Variants in CDH4 observed in about 807,000 individuals in gnomAD.
CDH4 encodes the protein cadherin 4, also known as cadherin-4.
A neutral mutation model predicts 86.0 loss-of-function variants in CDH4; 33 were observed. The observed-to-expected ratio is 0.38, with a 90% CI of 0.29 to 0.51. The LOEUF is 0.51. Among genes scored for constraint, CDH4 ranks in the 20% least tolerant of loss-of-function variants. The pLI is 0.86. For synonymous variants in CDH4, 555 were observed against 549.4 expected (o/e 1.01, Z -0.14); for missense variants, 1,114 against 1,307.4 (o/e 0.85, Z 2.28).
intron 2 of CDH4, among the ~76,000 whole-genome samples, chr20:61,502,724 A>G (rs2085713282): frequency 6.6e-6 from 1 of 152,220 alleles, no homozygotes. Flanking sequence ...AACATCACGA[A>G]GGAGAAACTG....
intron 2 of CDH4, among the ~76,000 whole-genome samples, chr20:61,259,782 C>T (rs1255411796): frequency 1.3e-5 from 2 of 152,222 alleles, no homozygotes; most frequent in African/African-American, 2.4e-5. Flanking sequence ...AATGTGGCTT[C>T]TTTCTGGTCA....
In CDH4 at chr20:61,684,919, T is replaced by G. The variant is rs1469720230; in HGVS notation, c.170-58644T>G. ...TAAGATATAAAAACTTACCGTGAAA[T>G]TCCCCTGTTTAAAGTGTACAATTCA... On this transcript the variant is annotated intron_variant, in intron 2 of 15. Transcript: ENST00000614565. This position sits in a 1 kb window ranked among gnomAD's most constrained non-coding sequence, Gnocchi z 4.5. Among the ~76,000 whole-genome samples, 1 of 151,302 alleles carries G rather than the reference T, an allele frequency of 6.6e-6. No individual in the cohort carries two copies. Among genetic ancestry groups the G allele is most frequent in the African/African-American group, 2.5e-5 (1 of 40,772 alleles).
At chr20:61,720,348 T>C (rs2088022370) in intron 2 of CDH4, among the ~76,000 whole-genome samples, 1 of 151,960 alleles carries the variant, frequency 6.6e-6, no homozygotes, top group African/African-American at 2.4e-5. Context: ...GGGCAGCAAC[T>C]TGAGAGTGAT....
chr20:61,792,041 G>A lies in CDH4; in HGVS notation c.576+18859G>A, dbSNP rs150691697. Among the ~76,000 whole-genome samples, 819 of 152,304 alleles carry A rather than the reference G, an allele frequency of 5.4e-3. 26 individuals carry two copies. The highest frequency in any genetic ancestry group is 0.044 in the Admixed American group (675 of 15,306). On this transcript the variant is annotated intron_variant, in intron 4 of 15. Transcript: ENST00000614565. ...TCCCCTGGATGCCTTTGGCTGCCTG[G>A]TGGGGCTGGAAGGTTAAGGCGAGAG...
At chr20:61,804,193 G>T (rs566260453) in intron 4 of CDH4, among the ~76,000 whole-genome samples, 183 of 152,378 alleles carry the variant, frequency 1.2e-3, no homozygotes, top group African/African-American at 4.2e-3. Context: ...CGCCCGAACT[G>T]CTGTGCTGAG....
intron 6 of CDH4, among the ~76,000 whole-genome samples, chr20:61,871,552 G>A (rs1983802920): frequency 6.6e-6 from 1 of 152,200 alleles, no homozygotes; most frequent in Admixed American, 6.5e-5. Flanking sequence ...CTCACTCCTA[G>A]GGTGCTGCAC....
intron 2 of CDH4, among the ~76,000 whole-genome samples, chr20:61,550,457 A>G (rs549342481): frequency 3.1e-4 from 47 of 151,808 alleles, no homozygotes; most frequent in African/African-American, 1.1e-3. Context: ...AGCCTTCCTG[A>G]CTCTCCGCTT....
rs926324070 is a variant in CDH4, at chr20:61,553,503, G to A, written c.170-190060G>A. 1.8e-4 allele frequency among the ~76,000 whole-genome samples: 28 copies of A among 152,228 alleles called. 1 individual carries two copies. Among genetic ancestry groups the A allele is most frequent in the Admixed American group, 1.8e-3 (28 of 15,286 alleles). On this transcript the variant is annotated intron_variant, in intron 2 of 15. Coordinates refer to ENST00000614565, the MANE Select transcript of CDH4 (RefSeq NM_001794.5). ...GGTGTTTCCATTTGGGGCTATTGCA[G>A]ATAAAGACGTGTGAACATCCTTGTG...
At chr20:61,286,927 C>T (rs565566786) in intron 2 of CDH4, among the ~76,000 whole-genome samples, 11 of 152,240 alleles carry the variant, frequency 7.2e-5, no homozygotes, top group South Asian at 4.2e-4. Context: ...CCAGAGAAGC[C>T]GATTGTCTTA....
chr20:61,327,933 T>C (rs985850390), intron 2 of CDH4, among the ~76,000 whole-genome samples: 1 of 152,166 alleles, frequency 6.6e-6, no homozygotes, highest in African/African-American at 2.4e-5. Context: ...GGAAATTTGG[T>C]CAATAACGGA....
At chr20:61,609,078 C>T (rs183084977) in intron 2 of CDH4, among the ~76,000 whole-genome samples, 6 of 152,314 alleles carry the variant, frequency 3.9e-5, no homozygotes, top group East Asian at 3.9e-4. Context: ...TCAGGTTTTG[C>T]GGCTACAGGG....
At chr20:61,433,291 C>T (rs114376736) in intron 2 of CDH4, among the ~76,000 whole-genome samples, 133 of 152,160 alleles carry the variant, frequency 8.7e-4, no homozygotes, top group African/African-American at 3.1e-3. Context: ...GCGGTTTTGT[C>T]GGGTATCAAT....
At position 61,565,136 on chromosome 20, in the gene CDH4, C is replaced by CTCTTGGTGGTGCTGGTG. The variant is rs1568688137; in HGVS notation, c.170-178427_170-178426insTCTTGGTGGTGCTGGTG. ...TGCTGGTGCTCTTGGTGGTGCTGGTCCTCTTGGTGTTGGTAGTGGTCCTCT... is the reference window on the plus strand; with the variant it reads ...TGCTGGTGCTCTTGGTGGTGCTGGTCTCTTGGTGGTGCTGGTGCTCTTGGTGTTGGTAGTGGTCCTCT... On this transcript the variant is annotated intron_variant, in intron 2 of 15. Coordinates refer to ENST00000614565, the MANE Select transcript of CDH4 (RefSeq NM_001794.5). Among the ~76,000 whole-genome samples the CTCTTGGTGGTGCTGGTG allele has an allele frequency of 4.0e-3, 266 of 67,134 alleles. 8 individuals are homozygous for CTCTTGGTGGTGCTGGTG. Among genetic ancestry groups the CTCTTGGTGGTGCTGGTG allele is most frequent in the African/African-American group, 0.019 (254 of 13,520 alleles). The allele number at this position is 67,134 out of a possible 152,430, so 44.0% of individuals were successfully genotyped here.
intron 2 of CDH4, among the ~76,000 whole-genome samples, chr20:61,537,488 A>G (rs2086005855): frequency 6.6e-6 from 1 of 152,180 alleles, no homozygotes; most frequent in Non-Finnish European, 1.5e-5. Context: ...GCAACCTCAC[A>G]GCCAGGTGCC....
At position 61,269,936 on chromosome 20, in the gene CDH4, T is replaced by C. The variant is rs2084175390; in HGVS notation, c.169+14999T>C. ...CTCCCCTGACCAATCTCCTCCAGAA[T>C]CTGGCCCCCAGATGTGGAGAGGGCC... On this transcript the variant is annotated intron_variant, in intron 2 of 15. Transcript: ENST00000614565. The surrounding 1 kb of genome is among the most constrained non-coding windows in gnomAD (Gnocchi z 5.3). Among the ~76,000 whole-genome samples, 1 of 152,206 alleles carries C rather than the reference T, an allele frequency of 6.6e-6. No individual in the cohort carries two copies. Among genetic ancestry groups the C allele is most frequent in the Admixed American group, 6.5e-5 (1 of 15,274 alleles).
At chr20:61,878,752 C>T (rs950051887) in intron 7 of CDH4, among the ~76,000 whole-genome samples, 5 of 152,390 alleles carry the variant, frequency 3.3e-5, no homozygotes, top group African/African-American at 1.2e-4. Flanking sequence ...TTGGCCACCC[C>T]ACTCTGCCCG....
chr20:61,756,037 G>T (rs2145961909), intron 3 of CDH4, among the ~76,000 whole-genome samples: 1 of 152,330 alleles, frequency 6.6e-6, no homozygotes, highest in East Asian at 1.9e-4. Flanking sequence ...CGTTCCCACT[G>T]CAGGGCAGGC....
intron 2 of CDH4, among the ~76,000 whole-genome samples, chr20:61,459,955 G>A (rs1044136598): frequency 6.6e-6 from 1 of 151,994 alleles, no homozygotes; most frequent in Non-Finnish European, 1.5e-5. Context: ...CAGGGCCGCA[G>A]GTACCCCCAC....
chr20:61,520,496 G>T (rs550424018), intron 2 of CDH4, among the ~76,000 whole-genome samples: 51 of 152,190 alleles, frequency 3.4e-4, no homozygotes, highest in Non-Finnish European at 5.0e-4. Context: ...GTGTGTCAAG[G>T]GAGCTGTCTG....
Sources: allele counts gnomAD v4.1 joint callset (sites outside exome capture counted in the v4.1 genomes callset), GRCh38; gene constraint gnomAD v4.1.1; non-coding constraint Gnocchi (gnomAD v3.1); transcripts MANE v1.5; gene names NCBI Gene and HGNC (gene_info 2026-07-23, HGNC 2026-07-21).